Variants in SMAD6 observed in about 807,000 individuals in gnomAD.
The protein encoded by SMAD6 is MAD homolog 6.
SMAD6 carries 103 observed loss-of-function variants against 39.4 expected under a neutral mutation model. The ratio of observed to expected loss-of-function variants is 2.62; its 90% CI spans 2.23 to 3.08. The LOEUF (loss-of-function observed/expected upper bound fraction) is 3.08, where lower values mean the gene tolerates loss of function less well. Ranked by LOEUF, SMAD6 falls within the 30% of genes most tolerant of loss-of-function variation. SMAD6 has a pLI of 0.00. For missense variants in SMAD6, 1,104 were observed against 742.9 expected (o/e 1.49, Z -5.65); for synonymous variants, 445 against 353.3 (o/e 1.26, Z -2.91).
intron 3 of SMAD6, among the ~76,000 whole-genome samples, chr15:66,748,758 C>G (rs757604998): frequency 1.3e-5 from 2 of 152,064 alleles, no homozygotes; most frequent in Non-Finnish European, 2.9e-5. Flanking sequence ...TTGCTTTTGC[C>G]CAAGACTATC....
In SMAD6 at chr15:66,704,013, C is replaced by T. The variant is rs1466948978; in HGVS notation, c.755C>T (p.Ala252Val). Residue 252 changes from alanine (A) to valine (V), a missense_variant, in exon 1 of 4, where the codon GCC (alanine) becomes GTC (valine). Coordinates refer to ENST00000288840, the MANE Select transcript of SMAD6 (RefSeq NM_005585.5). ...CTGTGCGGCTGCCACAGCTTCGCCG[C>T]CGCCGCCGACGGCCCTACCGTGTGC... ...KPLCGCHSFA[A>V]AADGPTVCCN... The T allele has an allele frequency of 6.7e-7, 1 of 1,500,262 alleles. No individual in the cohort carries two copies. Among genetic ancestry groups the T allele is most frequent in the Non-Finnish European group, 8.8e-7 (1 of 1,133,478 alleles). 92.9% of individuals were successfully genotyped at this position (1,500,262 alleles called of 1,614,324 possible).
In SMAD6 at chr15:66,781,561, TG is replaced by T; in HGVS notation, c.*29del. 8.1e-7 allele frequency: 1 copy of T among 1,228,294 alleles called. No individual in the cohort carries two copies. Among genetic ancestry groups the T allele is most frequent in the Non-Finnish European group, 1.1e-6 (1 of 919,312 alleles). 76.1% of individuals were successfully genotyped at this position (1,228,294 alleles called of 1,614,324 possible). A position where few individuals can be genotyped will look rare whatever the true frequency, so the allele number is the denominator to read the frequency against. On this transcript the variant is annotated 3_prime_UTR_variant, in exon 4 of 4. Coordinates refer to ENST00000288840, the MANE Select transcript of SMAD6 (RefSeq NM_005585.5). ...TGGCGGCCCCGGCGGGAGGGGCGGG[TG>T]GGAGGCCGCGGCCACCGCCACCTGC...
At chr15:66,735,166 G>T (rs73469900) in intron 3 of SMAD6, among the ~76,000 whole-genome samples, 4,289 of 152,336 alleles carry the variant, frequency 0.028, 214 homozygotes, top group African/African-American at 0.097. Flanking sequence ...ACACAAAAGA[G>T]GTGGGACCTG....
rs774721819 is a variant in SMAD6, at chr15:66,711,705, C to T, written c.855C>T (p.Arg285=). 8.2e-5 allele frequency: 132 copies of T among 1,613,486 alleles called. No individual in the cohort carries two copies. Among genetic ancestry groups the T allele is most frequent in the East Asian group, 7.4e-4 (33 of 44,890 alleles). ...PPPPYSRLSP[R]DEYKPLDLSD... ...CTCCCTACTCTCGGCTGTCTCCTCG[C>T]GACGAGTACAAGCCACTGGGTAAGT... is the stretch of plus-strand genomic sequence containing the variant. The change falls in exon 2 of 4, where the codon CGC becomes CGT. Residue 285 remains arginine (R), a synonymous_variant. Transcript: ENST00000288840.
chr15:66,754,901 G>A (rs968207427), intron 3 of SMAD6, among the ~76,000 whole-genome samples: 1 of 152,112 alleles, frequency 6.6e-6, no homozygotes, highest in African/African-American at 2.4e-5. Context: ...GGGTGCTAAT[G>A]TGTCTCAGCT....
intron 2 of SMAD6, among the ~76,000 whole-genome samples, chr15:66,714,751 A>G (rs1040161084): frequency 5.9e-5 from 9 of 152,182 alleles, no homozygotes; most frequent in Non-Finnish European, 1.0e-4. Flanking sequence ...GACACTGTCC[A>G]GGGCCTCACT....
intron 2 of SMAD6, among the ~76,000 whole-genome samples, chr15:66,714,463 G>C (rs1003082217): frequency 2.0e-5 from 3 of 152,208 alleles, no homozygotes; most frequent in Admixed American, 6.5e-5. Flanking sequence ...GTGTCCGGAA[G>C]TGGAGTTTTA....
Position 66,782,011 on chromosome 15 carries a change from T to C in SMAD6, c.*476T>C, listed in dbSNP as rs1347533328. 6 of 398,770 alleles carry C rather than the reference T, an allele frequency of 1.5e-5. No individual in the cohort carries two copies. The highest frequency in any genetic ancestry group is 2.7e-5 in the Non-Finnish European group (6 of 226,042). 24.7% of individuals were successfully genotyped at this position (398,770 alleles called of 1,614,324 possible). On this transcript the variant is annotated 3_prime_UTR_variant, in exon 4 of 4. Coordinates refer to ENST00000288840, the MANE Select transcript of SMAD6 (RefSeq NM_005585.5). Reference sequence around the variant, plus strand: ...ATAGTTTTTTTTAAACTGTCTTCTTTTTACAAAGAGGGGCAGGTAGGGCTT... The same window carrying C: ...ATAGTTTTTTTTAAACTGTCTTCTTCTTACAAAGAGGGGCAGGTAGGGCTT...
rs1230767228 is a variant in SMAD6, at chr15:66,703,993, C to T, written c.735C>T (p.Cys245=). 6.7e-7 allele frequency: 1 copy of T among 1,484,994 alleles called. No homozygotes were observed. The highest frequency in any genetic ancestry group is 2.2e-5 in the Admixed American group (1 of 44,606). 92.0% of individuals were successfully genotyped at this position (1,484,994 alleles called of 1,614,324 possible). The part of the protein sequence containing the change: ...LQHAVELKPL[C]GCHSFAAAAD... ...ACGCCGTGGAGCTGAAGCCCCTGTG[C>T]GGCTGCCACAGCTTCGCCGCCGCCG... is the stretch of plus-strand genomic sequence containing the variant. The change falls in exon 1 of 4, where the codon TGC becomes TGT. Residue 245 remains cysteine, a synonymous_variant. Coordinates refer to ENST00000288840, the MANE Select transcript of SMAD6 (RefSeq NM_005585.5).
intron 1 of SMAD6, chr15:66,704,276 A>T: frequency 2.5e-6 from 1 of 396,188 alleles, no homozygotes; most frequent in Non-Finnish European, 4.4e-6. Flanking sequence ...TGGCAACTTT[A>T]TCTCAAGGCT....
chr15:66,755,248 T>A (rs866137611), intron 3 of SMAD6, among the ~76,000 whole-genome samples: 1 of 152,118 alleles, frequency 6.6e-6, no homozygotes, highest in Non-Finnish European at 1.5e-5. Context: ...AGTTTGAGGA[T>A]CCAGCAGAAA....
chr15:66,774,965 G>A (rs764816158), intron 3 of SMAD6, among the ~76,000 whole-genome samples: 6 of 152,134 alleles, frequency 3.9e-5, no homozygotes, highest in Admixed American at 6.5e-5. Context: ...GGGTTCTAGC[G>A]ATTCTCTGCC....
At chr15:66,711,767 A>T (rs1279671011) in intron 2 of SMAD6, 43 bp downstream of exon 2, 12 of 1,494,144 alleles carry the variant, frequency 8.0e-6, no homozygotes, top group Non-Finnish European at 1.1e-5. Flanking sequence ...GTGTGTCCCG[A>T]ACTGGGTCCT....
intron 3 of SMAD6, among the ~76,000 whole-genome samples, chr15:66,761,838 G>A (rs946296598): frequency 1.3e-5 from 2 of 152,016 alleles, no homozygotes; most frequent in Non-Finnish European, 1.5e-5. Context: ...TACATTCCAC[G>A]GCACCCTGTA....
intron 1 of SMAD6, chr15:66,707,800 C>T (rs1489552222): frequency 1.3e-5 from 2 of 152,422 alleles, no homozygotes; most frequent in Admixed American, 6.5e-5. Flanking sequence ...CACAGCCCCT[C>T]TTTGGGAGGG....
chr15:66,757,709 A>G (rs1422109240), intron 3 of SMAD6, among the ~76,000 whole-genome samples: 1 of 152,194 alleles, frequency 6.6e-6, no homozygotes, highest in Non-Finnish European at 1.5e-5. Flanking sequence ...GCAGTAGTTC[A>G]GTGCCTGGAG....
chr15:66,769,343 C>T (rs1305263315), intron 3 of SMAD6, among the ~76,000 whole-genome samples: 2 of 152,148 alleles, frequency 1.3e-5, no homozygotes. Flanking sequence ...TCACTGGGCC[C>T]TCAAAAGTAG....
At chr15:66,739,426 C>T (rs372516754) in intron 3 of SMAD6, among the ~76,000 whole-genome samples, 2 of 152,346 alleles carry the variant, frequency 1.3e-5, no homozygotes, top group South Asian at 4.1e-4. Flanking sequence ...AGAGCCCCTT[C>T]TGTCCCACAT....
At chr15:66,725,011 G>C (rs1399211660) in intron 3 of SMAD6, among the ~76,000 whole-genome samples, 1 of 152,160 alleles carries the variant, frequency 6.6e-6, no homozygotes, top group East Asian at 1.9e-4. Flanking sequence ...CCGGGCTCTA[G>C]GGTCCCCCTC....
Sources: allele counts gnomAD v4.1 joint callset (sites outside exome capture counted in the v4.1 genomes callset), GRCh38; gene constraint gnomAD v4.1.1; transcripts MANE v1.5; gene names NCBI Gene and HGNC (gene_info 2026-07-23, HGNC 2026-07-21).